The following PRKACB variants were observed in gnomAD, a reference collection of about 807,000 sequenced individuals.
The protein encoded by PRKACB is cAMP-dependent protein kinase catalytic subunit beta.
PRKACB carries 16 observed loss-of-function variants against 51.4 expected under a neutral mutation model. The ratio of observed to expected loss-of-function variants is 0.31; its 90% confidence interval spans 0.21 to 0.47. PRKACB has a LOEUF of 0.47. Among genes scored for constraint, PRKACB ranks in the 20% least tolerant of loss-of-function variants. The pLI is 1.00. For synonymous variants in PRKACB, 147 were observed against 154.4 expected, an observed-to-expected ratio of 0.95 and a Z score of 0.35; for missense variants, 309 against 464.5, an observed-to-expected ratio of 0.67 and a Z score of 3.08.
intron 1 of PRKACB, among the ~76,000 whole-genome samples, chr1:84,130,083 C>G (rs112097408): frequency 1.3e-5 from 2 of 151,220 alleles, no homozygotes. Flanking sequence ...ACCTGTAGTC[C>G]CAGCTGCTGG....
intron 5 of PRKACB, among the ~76,000 whole-genome samples, chr1:84,190,654 G>A (rs1342002406): frequency 1.3e-5 from 2 of 151,950 alleles, no homozygotes; most frequent in Admixed American, 6.6e-5. Flanking sequence ...TTTATCAGAG[G>A]CAAATATAAA....
chr1:84,234,780 C>T (rs531385927), intron 9 of PRKACB, among the ~76,000 whole-genome samples: 21 of 152,170 alleles, frequency 1.4e-4, no homozygotes, highest in Admixed American at 2.0e-4. Flanking sequence ...GGCTCGCACA[C>T]GGTGCGTGCA....
rs2101746893 is a variant in PRKACB, at chr1:84,238,324, G to C, written c.*3019G>C. On this transcript the variant is annotated 3_prime_UTR_variant, in exon 10 of 10. Coordinates refer to ENST00000370685, the MANE Select transcript of PRKACB (RefSeq NM_182948.4). ...GAAATAATGTATGTGAAAGCACCTT[G>C]TAAACTGTAACCTATCAATGTAAAA... The C allele has an allele frequency of 6.6e-6, 1 of 152,584 alleles. No individual in the cohort carries two copies. The highest frequency in any genetic ancestry group is 3.4e-3 in the Middle Eastern group (1 of 294). The allele number at this position is 152,584 out of a possible 1,614,324, so 9.5% of individuals were successfully genotyped here.
chr1:84,078,277 C>G, exon 1 of PRKACB: 2 of 1,533,494 alleles, frequency 1.3e-6, no homozygotes, highest in Non-Finnish European at 1.8e-6. Flanking sequence ...GCGGGCACGG[C>G]CCCAGCCCCC....
intron 1 of PRKACB, among the ~76,000 whole-genome samples, chr1:84,155,691 A>T (rs1385806154): frequency 6.6e-6 from 1 of 152,190 alleles, no homozygotes. Context: ...AGGAAGAATG[A>T]TATGTGTCTG....
intron 5 of PRKACB, among the ~76,000 whole-genome samples, chr1:84,186,546 C>A (rs1459272098): frequency 6.6e-6 from 1 of 151,932 alleles, no homozygotes; most frequent in Non-Finnish European, 1.5e-5. Context: ...TGCTGTGTGC[C>A]CTGAGTGCGT....
At chr1:84,199,578 G>C (rs1232140080) in intron 7 of PRKACB, among the ~76,000 whole-genome samples, 1 of 152,130 alleles carries the variant, frequency 6.6e-6, no homozygotes, top group Non-Finnish European at 1.5e-5. Context: ...TTGATTCCAT[G>C]TCTTTGCTTT....
At chr1:84,136,140 TAAATG>T (rs1652781394) in intron 1 of PRKACB, among the ~76,000 whole-genome samples, 1 of 152,016 alleles carries the variant, frequency 6.6e-6, no homozygotes, top group South Asian at 2.1e-4. Context: ...CAAAATTTGA[TAAATG>T]AAATGGACCA....
chr1:84,232,867 A>G (rs529715721), intron 9 of PRKACB, among the ~76,000 whole-genome samples: 23 of 152,102 alleles, frequency 1.5e-4, no homozygotes, highest in Non-Finnish European at 2.8e-4. Context: ...TCTTTATCCA[A>G]TTTGCCAAGT....
intron 1 of PRKACB, chr1:84,165,056 A>C: frequency 7.1e-7 from 1 of 1,400,740 alleles, no homozygotes; most frequent in Non-Finnish European, 9.7e-7. Context: ...TATTTAAAAA[A>C]TATATTTATA....
intron 1 of PRKACB, among the ~76,000 whole-genome samples, chr1:84,155,677 G>C (rs539566804): frequency 6.6e-6 from 1 of 152,146 alleles, no homozygotes; most frequent in Non-Finnish European, 1.5e-5. Context: ...GTAATAAGTT[G>C]AACAGGAAGA....
intron 1 of PRKACB, among the ~76,000 whole-genome samples, chr1:84,107,829 A>C (rs747507858): frequency 2.8e-4 from 42 of 152,136 alleles, no homozygotes; most frequent in Admixed American, 2.0e-4. Context: ...AAGAGTAAAA[A>C]AATAACATGC....
At chr1:84,175,788 T>C in intron 1 of PRKACB, 1 of 1,573,480 alleles carries the variant, frequency 6.4e-7, no homozygotes, top group Non-Finnish European at 8.6e-7. Flanking sequence ...AAATCTTGGG[T>C]GAACATGTAG....
chr1:84,201,510 G>A (rs1670087760), intron 7 of PRKACB, among the ~76,000 whole-genome samples: 1 of 151,910 alleles, frequency 6.6e-6, no homozygotes, highest in Non-Finnish European at 1.5e-5. Flanking sequence ...GAGAGTTAAT[G>A]CCTATTTCTA....
intron 1 of PRKACB, among the ~76,000 whole-genome samples, chr1:84,113,825 C>T (rs746144276): frequency 6.6e-6 from 1 of 152,052 alleles, no homozygotes; most frequent in African/African-American, 2.4e-5. Context: ...GATGCTTGCT[C>T]AGGGATAGGG....
chr1:84,179,325 A>G, intron 2 of PRKACB, 87 bp downstream of exon 2: 2 of 1,389,818 alleles, frequency 1.4e-6, no homozygotes, highest in Middle Eastern at 2.6e-4. Context: ...TACTTTAGAA[A>G]TTTTAATTTT....
chr1:84,150,987 T>G (rs1041486454), intron 1 of PRKACB, among the ~76,000 whole-genome samples: 1 of 152,324 alleles, frequency 6.6e-6, no homozygotes, highest in Non-Finnish European at 1.5e-5. Flanking sequence ...ATTTATAATG[T>G]ACAACATGAT....
chr1:84,138,194 G>A (rs904943925), intron 1 of PRKACB, among the ~76,000 whole-genome samples: 9 of 152,130 alleles, frequency 5.9e-5, no homozygotes, highest in African/African-American at 1.9e-4. Flanking sequence ...GTGCTAGAAA[G>A]TAAGGATGTG....
Position 84,149,905 on chromosome 1 carries a change from T to C in PRKACB, c.187+5357T>C, listed in dbSNP as rs183326445. 3.7e-3 allele frequency among the ~76,000 whole-genome samples: 564 copies of C among 152,292 alleles called. 3 individuals carry two copies. Among genetic ancestry groups the C allele is most frequent in the African/African-American group, 0.012 (507 of 41,566 alleles). On this transcript the variant is annotated intron_variant, in intron 1 of 9. Transcript: ENST00000370685. ...AATTATTATAATAATTATTTTTTCATAGATTATAGCACTTGAGAATGTGTG... is the reference window on the plus strand; with the variant it reads ...AATTATTATAATAATTATTTTTTCACAGATTATAGCACTTGAGAATGTGTG...
Sources: allele counts gnomAD v4.1 joint callset (sites outside exome capture counted in the v4.1 genomes callset), GRCh38; gene constraint gnomAD v4.1.1; transcripts MANE v1.5; gene names NCBI Gene and HGNC (gene_info 2026-07-23, HGNC 2026-07-21).